Variants in NHSL2 observed in about 807,000 individuals in gnomAD.
NHSL2 encodes the protein NHS-like protein 2.
Under a neutral mutation model 53.4 loss-of-function variants are expected in NHSL2, and 27 were observed. That is an observed-to-expected ratio of 0.51 (90% CI 0.37 to 0.70). The LOEUF (loss-of-function observed/expected upper bound fraction) is 0.70. NHSL2 is among the 30% of genes least tolerant of loss of function. NHSL2 has a pLI of 0.00. For missense variants in NHSL2, 892 were observed against 980.1 expected (o/e 0.91, Z 1.20); for synonymous variants, 408 against 404.1 (o/e 1.01, Z -0.12).
chrX:72,131,398 C>A (rs752041010), intron 1 of NHSL2: 65 of 1,209,185 alleles, frequency 5.4e-5, no homozygotes, highest in Non-Finnish European at 6.8e-5. Flanking sequence ...GGAGACATTG[C>A]CCCGCAAGGA....
intron 1 of NHSL2, among the ~76,000 whole-genome samples, chrX:72,030,440 A>G (rs1001135230): frequency 8.9e-6 from 1 of 112,315 alleles, no homozygotes; most frequent in Admixed American, 9.4e-5. Context: ...GCATATATAC[A>G]GTAAATTGCA....
intron 2 of NHSL2, 39 bp downstream of exon 2, chrX:72,132,273 G>A: frequency 9.0e-7 from 1 of 1,105,044 alleles, no homozygotes; most frequent in Non-Finnish European, 1.2e-6. Flanking sequence ...GAGCCCAGAA[G>A]CGAGATGCGC....
At chrX:71,949,168 G>C (rs1412994371) in intron 1 of NHSL2, among the ~76,000 whole-genome samples, 1 of 111,335 alleles carries the variant, frequency 9.0e-6, no homozygotes, top group African/African-American at 3.3e-5. Flanking sequence ...CTTGGTTTTA[G>C]TATATGGCAG....
intron 1 of NHSL2, among the ~76,000 whole-genome samples, chrX:72,123,833 C>T (rs905628005): frequency 2.7e-5 from 3 of 111,299 alleles, no homozygotes; most frequent in Admixed American, 9.5e-5. Context: ...ACCACCCCCA[C>T]CCCCCATCAG....
At chrX:72,049,079 GGGAGGA>G (rs774267618) in intron 1 of NHSL2, among the ~76,000 whole-genome samples, 2 of 109,231 alleles carry the variant, frequency 1.8e-5, no homozygotes, top group Non-Finnish European at 3.8e-5. Context: ...GGAGGAGGAG[GGGAGGA>G]GGAGGAGGAG....
chrX:72,148,562 G>A lies in NHSL2; in HGVS notation c.*4988G>A, dbSNP rs1190629123. 1 of 111,829 alleles carries A rather than the reference G, an allele frequency of 8.9e-6. No individual in the cohort carries two copies. Among genetic ancestry groups the A allele is most frequent in the Non-Finnish European group, 1.9e-5 (1 of 53,173 alleles). 9.2% of individuals were successfully genotyped at this position (111,829 alleles called of 1,213,427 possible). A position where few individuals can be genotyped will look rare whatever the true frequency, so the allele number is the denominator to read the frequency against. On this transcript the variant is annotated 3_prime_UTR_variant, in exon 8 of 8. Transcript: ENST00000633930. ...TGCCTTTGTCAAAAGGCAGCAAAAAGTATAATGATATAAACATAATATGAA... is the reference window on the plus strand; with the variant it reads ...TGCCTTTGTCAAAAGGCAGCAAAAAATATAATGATATAAACATAATATGAA...
In NHSL2 at chrX:71,947,808, G is replaced by A. The variant is rs902974666; in HGVS notation, c.280+36441G>A. ...GTAACTCAGGAATGGAAAGCCAAAC[G>A]TCGTATATTCTCACTCATAAGTGGA... On this transcript the variant is annotated intron_variant, in intron 1 of 7. Transcript: ENST00000633930. Among the ~76,000 whole-genome samples, 9 of 111,896 alleles carry A rather than the reference G, an allele frequency of 8.0e-5. No homozygotes were observed. The East Asian group carries it at 1.1e-3, about 14-fold the overall frequency.
chrX:71,921,401 CAA>C (rs1479989702), intron 1 of NHSL2, among the ~76,000 whole-genome samples: 2 of 92,898 alleles, frequency 2.2e-5, no homozygotes, highest in Non-Finnish European at 4.2e-5. Flanking sequence ...GCCTGGGTGA[CAA>C]GAGCAAAACT....
At chrX:72,068,675 TGA>T (rs5902689) in intron 1 of NHSL2, among the ~76,000 whole-genome samples, 10 of 108,944 alleles carry the variant, frequency 9.2e-5, no homozygotes, top group Admixed American at 2.9e-4. Flanking sequence ...TGTGTGTGTG[TGA>T]GAGAGAGAGA....
chrX:72,032,373 G>A (rs1395871031), intron 1 of NHSL2, among the ~76,000 whole-genome samples: 1 of 110,779 alleles, frequency 9.0e-6, no homozygotes, highest in Non-Finnish European at 1.9e-5. Context: ...CAGCCTGGGC[G>A]AAAGAGCGAG....
At chrX:71,913,992 C>G (rs962478580) in intron 1 of NHSL2, among the ~76,000 whole-genome samples, 1 of 112,809 alleles carries the variant, frequency 8.9e-6, no homozygotes, top group Non-Finnish European at 1.9e-5. Flanking sequence ...AACATCCCAC[C>G]CACTCCACTG....
At chrX:71,980,950 A>G (rs1421075740) in intron 1 of NHSL2, among the ~76,000 whole-genome samples, 1 of 111,974 alleles carries the variant, frequency 8.9e-6, no homozygotes, top group Non-Finnish European at 1.9e-5. Flanking sequence ...CCTTGAAATT[A>G]AAAAGGAGAA....
At chrX:72,073,667 C>T (rs933268913) in intron 1 of NHSL2, among the ~76,000 whole-genome samples, 4 of 112,544 alleles carry the variant, frequency 3.6e-5, no homozygotes, top group Non-Finnish European at 7.5e-5. Context: ...GATAAGAAAA[C>T]TGAGACACTA....
chrX:71,918,278 C>T (rs897462338), intron 1 of NHSL2, among the ~76,000 whole-genome samples: 2 of 111,140 alleles, frequency 1.8e-5, no homozygotes, highest in Admixed American at 9.6e-5. Context: ...TGAGGCTTGA[C>T]GATATCTTTT....
intron 1 of NHSL2, among the ~76,000 whole-genome samples, chrX:72,000,530 T>C (rs1305653653): frequency 8.9e-6 from 1 of 112,300 alleles, no homozygotes; most frequent in Non-Finnish European, 1.9e-5. Flanking sequence ...ACGTCTGAGA[T>C]TGGTCTCACT....
intron 1 of NHSL2, among the ~76,000 whole-genome samples, chrX:72,109,195 G>A (rs775641136): frequency 2.7e-5 from 3 of 112,090 alleles, no homozygotes; most frequent in Admixed American, 9.4e-5. Flanking sequence ...ACACAGAAAG[G>A]GCTAAGTATT....
chrX:71,976,142 C>T (rs1323883580), intron 1 of NHSL2, among the ~76,000 whole-genome samples: 1 of 111,256 alleles, frequency 9.0e-6, no homozygotes, highest in Non-Finnish European at 1.9e-5. Context: ...CTGCTTCATG[C>T]CCCTCCCCGC....
chrX:71,922,169 T>G (rs1004373563), intron 1 of NHSL2, among the ~76,000 whole-genome samples: 15 of 112,394 alleles, frequency 1.3e-4, no homozygotes, highest in Non-Finnish European at 1.3e-4. Flanking sequence ...TTTCCCTTCA[T>G]GATCGCAACA....
intron 1 of NHSL2, among the ~76,000 whole-genome samples, chrX:72,033,167 A>G (rs2042224315): frequency 9.3e-6 from 1 of 107,158 alleles, no homozygotes; most frequent in Admixed American, 9.9e-5. Flanking sequence ...CTATAAATCA[A>G]TTTGGGAAGA....
Sources: allele counts gnomAD v4.1 joint callset (sites outside exome capture counted in the v4.1 genomes callset), GRCh38; gene constraint gnomAD v4.1.1; transcripts MANE v1.5; gene names NCBI Gene and HGNC (gene_info 2026-07-23, HGNC 2026-07-21).